The following MAP4K3 variants were observed in gnomAD, a reference collection of about 807,000 sequenced individuals.
The protein encoded by MAP4K3 is mitogen-activated protein kinase kinase kinase kinase 3, also known as MAPK/ERK kinase kinase kinase 3.
In MAP4K3, 94 loss-of-function variants were observed where a neutral mutation model predicts 143.5. That is an observed-to-expected ratio of 0.65 (90% CI 0.55 to 0.78). MAP4K3 has a LOEUF of 0.78. Among genes scored for constraint, MAP4K3 ranks in the 30% least tolerant of loss-of-function variants. The pLI is 0.00. For synonymous variants in MAP4K3, 416 were observed against 347.2 expected (o/e 1.20, Z -2.20); for missense variants, 1,077 against 1,068.1 (o/e 1.01, Z -0.12).
chr2:39,255,295 C>A (rs981800453), intron 31 of MAP4K3, among the ~76,000 whole-genome samples: 3 of 152,220 alleles, frequency 2.0e-5, no homozygotes, highest in African/African-American at 7.2e-5. Context: ...AGGGTAGACA[C>A]CCATAGATAG....
intron 26 of MAP4K3, among the ~76,000 whole-genome samples, chr2:39,271,074 A>AT (rs1289116286): frequency 2.6e-5 from 4 of 152,148 alleles, no homozygotes; most frequent in African/African-American, 9.7e-5. Context: ...CCAAGGTCCC[A>AT]TATCTAGTAA....
intron 24 of MAP4K3, among the ~76,000 whole-genome samples, chr2:39,275,586 A>C (rs1400996350): frequency 6.6e-6 from 1 of 152,180 alleles, no homozygotes; most frequent in East Asian, 1.9e-4. Context: ...TATTGTTACC[A>C]ATATTATTTT....
intron 2 of MAP4K3, among the ~76,000 whole-genome samples, chr2:39,369,887 C>G (rs80337044): frequency 6.6e-6 from 1 of 152,210 alleles, no homozygotes; most frequent in African/African-American, 2.4e-5. Context: ...CAGCCATCAC[C>G]GTTCCTTACT....
intron 8 of MAP4K3, among the ~76,000 whole-genome samples, chr2:39,330,852 T>C (rs1028957577): frequency 6.6e-6 from 1 of 152,070 alleles, no homozygotes; most frequent in Admixed American, 6.6e-5. Flanking sequence ...GAAAAGCTTT[T>C]TTCAGGAAAG....
At chr2:39,361,185 CCT>C (rs1224272250) in intron 2 of MAP4K3, among the ~76,000 whole-genome samples, 1 of 151,870 alleles carries the variant, frequency 6.6e-6, no homozygotes, top group East Asian at 1.9e-4. Context: ...TCTCTGTTTC[CCT>C]CTCTCTCCCA....
chr2:39,347,272 C>T (rs1369448617), intron 3 of MAP4K3, among the ~76,000 whole-genome samples: 1 of 152,150 alleles, frequency 6.6e-6, no homozygotes, highest in African/African-American at 2.4e-5. Context: ...AACAAAAGCT[C>T]TCTTGCGGTA....
intron 21 of MAP4K3, among the ~76,000 whole-genome samples, chr2:39,284,130 T>C (rs1681660503): frequency 1.3e-5 from 2 of 152,214 alleles, no homozygotes; most frequent in South Asian, 4.1e-4. Context: ...TTATCTGATG[T>C]CATCTATTTT....
chr2:39,291,192 G>A (rs891765354), intron 18 of MAP4K3, among the ~76,000 whole-genome samples: 3 of 152,160 alleles, frequency 2.0e-5, no homozygotes, highest in African/African-American at 7.2e-5. Flanking sequence ...TAATTACCCT[G>A]ATCAGATCAC....
chr2:39,301,589 G>A (rs1682512771), intron 15 of MAP4K3, among the ~76,000 whole-genome samples: 1 of 152,108 alleles, frequency 6.6e-6, no homozygotes, highest in Non-Finnish European at 1.5e-5. Context: ...ACATTCGTGT[G>A]GAATGGCCAT....
intron 1 of MAP4K3, among the ~76,000 whole-genome samples, chr2:39,391,276 G>A (rs1003649881): frequency 7.6e-6 from 1 of 131,742 alleles, no homozygotes; most frequent in African/African-American, 2.7e-5. Context: ...GGAGAATGGC[G>A]TGAACCCAGG....
At chr2:39,385,896 T>C (rs1454697521) in intron 1 of MAP4K3, among the ~76,000 whole-genome samples, 1 of 152,166 alleles carries the variant, frequency 6.6e-6, no homozygotes, top group Admixed American at 6.5e-5. Context: ...CCTCCCAAAG[T>C]GCTGGGATTA....
intron 24 of MAP4K3, among the ~76,000 whole-genome samples, chr2:39,273,564 C>T (rs1470654427): frequency 1.3e-5 from 2 of 152,030 alleles, no homozygotes; most frequent in Non-Finnish European, 2.9e-5. Flanking sequence ...CACATCAAGG[C>T]CTCTAAGGAC....
chr2:39,347,721 TATAA>T (rs1432534779), intron 3 of MAP4K3, among the ~76,000 whole-genome samples: 6 of 152,148 alleles, frequency 3.9e-5, no homozygotes, highest in South Asian at 2.1e-4. Context: ...TCGGTGAAAC[TATAA>T]ATAAATAAAT....
intron 6 of MAP4K3, among the ~76,000 whole-genome samples, chr2:39,335,751 C>CTTT (rs903725144): frequency 2.1e-4 from 32 of 152,280 alleles, no homozygotes; most frequent in African/African-American, 7.2e-4. Context: ...CTCTTTATGT[C>CTTT]TTTTAAGTGG....
intron 26 of MAP4K3, among the ~76,000 whole-genome samples, chr2:39,269,470 C>CTTTTTTTTTT (rs59479315): frequency 3.3e-5 from 3 of 89,674 alleles, no homozygotes; most frequent in African/African-American, 4.6e-5. Context: ...TTGCTCAGGT[C>CTTTTTTTTTT]TTTTTTTTTT....
intron 15 of MAP4K3, among the ~76,000 whole-genome samples, chr2:39,301,427 C>A (rs760483179): frequency 6.6e-6 from 1 of 152,178 alleles, no homozygotes; most frequent in Non-Finnish European, 1.5e-5. Context: ...AATCCTTAAA[C>A]TGTAGTATTC....
At chr2:39,275,958 C>T (rs1022368198) in intron 24 of MAP4K3, among the ~76,000 whole-genome samples, 1 of 152,094 alleles carries the variant, frequency 6.6e-6, no homozygotes, top group Non-Finnish European at 1.5e-5. Flanking sequence ...CTGCAACCTC[C>T]GCCTCCCGGG....
intron 24 of MAP4K3, 122 bp from the exon 25 acceptor site, chr2:39,272,664 A>G (rs1439300459): frequency 4.4e-6 from 3 of 680,796 alleles, no homozygotes; most frequent in Non-Finnish European, 7.6e-6. Context: ...AATTATTTTT[A>G]ACATAAATTA....
At position 39,260,588 on chromosome 2, in the gene MAP4K3, T is replaced by A. The variant is rs1680528626; in HGVS notation, c.2308+18A>T. On this transcript the variant is annotated intron_variant, in intron 29 of 33. Coordinates refer to ENST00000263881, the MANE Select transcript of MAP4K3 (RefSeq NM_003618.4). ...CAGTATATGTATTACCCTTAATAAT[T>A]CCATAAAAATTACAAACCTGATTCT... 6.2e-7 allele frequency: 1 copy of A among 1,610,518 alleles called. No individual in the cohort carries two copies. Among genetic ancestry groups the A allele is most frequent in the African/African-American group, 1.3e-5 (1 of 74,786 alleles).
Sources: allele counts gnomAD v4.1 joint callset (sites outside exome capture counted in the v4.1 genomes callset), GRCh38; gene constraint gnomAD v4.1.1; transcripts MANE v1.5; gene names NCBI Gene and HGNC (gene_info 2026-07-23, HGNC 2026-07-21).